FOXL2NB: variants seen among roughly 807,000 people sequenced by gnomAD.
FOXL2NB encodes the protein FOXL2 neighbor, also known as FOXL2 neighbor protein.
A neutral mutation model predicts 7.4 loss-of-function variants in FOXL2NB; 10 were observed. The ratio of observed to expected loss-of-function variants is 1.34; its 90% CI spans 0.83 to 2.28. FOXL2NB has a LOEUF of 2.28. Ranked by LOEUF, FOXL2NB falls within the 30% of genes most tolerant of loss-of-function variation. The pLI, the probability that FOXL2NB is intolerant of heterozygous loss-of-function variation, is 0.00. For missense variants in FOXL2NB, 228 were observed against 233.9 expected, an observed-to-expected ratio of 0.97 and a Z score of 0.17; for synonymous variants, 104 against 105.3, an observed-to-expected ratio of 0.99 and a Z score of 0.08.
At position 138,949,713 on chromosome 3, in the gene FOXL2NB, AG is replaced by A; in HGVS notation, c.220+78del. On this transcript the variant is annotated intron_variant, in intron 2 of 2. Coordinates refer to ENST00000383165, the MANE Select transcript of FOXL2NB (RefSeq NM_001040061.3). This position sits in a 1 kb window ranked among gnomAD's most constrained non-coding sequence, Gnocchi z 4.5. ...CCCTCCAGGCTTCTGCGGAAAAGCC[AG>A]GGGCTTCGGGCTGGAGATAGAGGAA... 1 of 1,600,208 alleles carries A rather than the reference AG, an allele frequency of 6.2e-7. No homozygotes were observed. Among genetic ancestry groups the A allele is most frequent in the Non-Finnish European group, 8.6e-7 (1 of 1,169,474 alleles).
rs774231840 is a variant in FOXL2NB, at chr3:138,949,969, G to A, written c.221-296G>A. Reference sequence around the variant, plus strand: ...GGCATTGGGGCGACGCAGGGCCCCCGGCTTAGTGACCTTGGGGCGGCGCTC... The same window carrying A: ...GGCATTGGGGCGACGCAGGGCCCCCAGCTTAGTGACCTTGGGGCGGCGCTC... On this transcript the variant is annotated intron_variant, in intron 2 of 2. Coordinates refer to ENST00000383165, the MANE Select transcript of FOXL2NB (RefSeq NM_001040061.3). This position sits in a 1 kb window ranked among gnomAD's most constrained non-coding sequence, Gnocchi z 4.5. The A allele has an allele frequency of 2.9e-6, 2 of 695,944 alleles. No homozygotes were observed. The highest frequency in any genetic ancestry group is 5.2e-6 in the Non-Finnish European group (2 of 382,248). 43.1% of individuals were successfully genotyped at this position (695,944 alleles called of 1,614,324 possible).
chr3:138,950,338 G>A lies in FOXL2NB; in HGVS notation c.294G>A (p.Lys98=), dbSNP rs562194723. The change falls in exon 3 of 3, where the codon AAG becomes AAA. Residue 98 remains lysine, a synonymous_variant. Transcript: ENST00000383165. ...CCGGCGGCCCAGCTCTACTAGGGAAGCGTCGCGGCTGCTCTGAGGCAGGCA... is the reference window on the plus strand; with the variant it reads ...CCGGCGGCCCAGCTCTACTAGGGAAACGTCGCGGCTGCTCTGAGGCAGGCA... ...RASGGPALLG[K]RRGCSEAGSA... is the part of the protein sequence containing the mutation. The A allele has an allele frequency of 1.2e-6, 2 of 1,610,332 alleles. No individual in the cohort carries two copies. Among genetic ancestry groups the A allele is most frequent in the South Asian group, 1.1e-5 (1 of 90,762 alleles).
Position 138,952,429 on chromosome 3 carries a change from A to AT in FOXL2NB, c.*1861dup, listed in dbSNP as rs1316914560. On this transcript the variant is annotated 3_prime_UTR_variant, in exon 3 of 3. Coordinates refer to ENST00000383165, the MANE Select transcript of FOXL2NB (RefSeq NM_001040061.3). ...TTGTATTACTGTTCTACCTTTGGAG[A>AT]TTTTCCTCATGCCAAGATAGGGTGT... The AT allele has an allele frequency of 6.6e-6, 1 of 150,760 alleles. No individual in the cohort carries two copies. Among genetic ancestry groups the AT allele is most frequent in the African/African-American group, 2.5e-5 (1 of 40,688 alleles). 9.3% of individuals were successfully genotyped at this position (150,760 alleles called of 1,614,324 possible).
rs1460761497 is a variant in FOXL2NB, at chr3:138,949,331, C to T, written c.101-189C>T. ...CATTGTTGTGTGTGTCATCACTTCC[C>T]TGAATTCCACACTCGGCTCCCTTTT... On this transcript the variant is annotated intron_variant, in intron 1 of 2. Transcript: ENST00000383165. This position sits in a 1 kb window ranked among gnomAD's most constrained non-coding sequence, Gnocchi z 4.5. Among the ~76,000 whole-genome samples the T allele has an allele frequency of 1.3e-5, 2 of 152,042 alleles. No homozygotes were observed. The highest frequency in any genetic ancestry group is 2.9e-5 in the Non-Finnish European group (2 of 67,996).
Position 138,947,229 on chromosome 3 carries a change from A to C in FOXL2NB, c.-136A>C. 1.5e-6 allele frequency: 1 copy of C among 686,694 alleles called. No homozygotes were observed. Among genetic ancestry groups the C allele is most frequent in the Non-Finnish European group, 2.4e-6 (1 of 417,566 alleles). 42.5% of individuals were successfully genotyped at this position (686,694 alleles called of 1,614,324 possible). A position where few individuals can be genotyped will look rare whatever the true frequency, so the allele number is the denominator to read the frequency against. On this transcript the variant is annotated 5_prime_UTR_variant, in exon 1 of 3. Coordinates refer to ENST00000383165, the MANE Select transcript of FOXL2NB (RefSeq NM_001040061.3). This position sits in a 1 kb window ranked among gnomAD's most constrained non-coding sequence, Gnocchi z 5.2. ...GCCGCGCACGGGCGAGTTCATCTCC[A>C]AGTCACTTTTTGTAAACGCCCCGCA...
At chr3:138,950,181 C>T (rs2107748277) in intron 2 of FOXL2NB, 84 bp from the exon 3 acceptor site, 1 of 1,466,058 alleles carries the variant, frequency 6.8e-7, no homozygotes, top group South Asian at 1.2e-5. Context: ...CGCGCCTCCT[C>T]GCAGCCTGGC....
At position 138,949,561 on chromosome 3, in the gene FOXL2NB, A is replaced by G. The variant is rs1376106827; in HGVS notation, c.142A>G (p.Thr48Ala). 6 of 1,613,976 alleles carry G rather than the reference A, an allele frequency of 3.7e-6. No individual in the cohort carries two copies. In the Admixed American group the frequency reaches 5.0e-5, roughly 13 times the overall value. Residue 48 changes from threonine (T) to alanine (A), a missense_variant, in exon 2 of 3, where the codon ACC becomes GCC. Thr to Ala is a moderately conservative substitution (Grantham distance 58, BLOSUM62 0). Transcript: ENST00000383165. This position sits in a 1 kb window ranked among gnomAD's most constrained non-coding sequence, Gnocchi z 4.5. Reference protein sequence around the residue: ...LVKKRMPDACTLGRAGIGLPK... With the variant: ...LVKKRMPDACALGRAGIGLPK... ...GAAGAAGAGGATGCCTGATGCGTGC[A>G]CCCTGGGAAGGGCTGGAATCGGTCT...
In FOXL2NB at chr3:138,947,605, T is replaced by C. The variant is rs1936016363; in HGVS notation, c.100+141T>C. ...GAGCTGCTCTGAGGCTTTGGGAAAG[T>C]CAGCCCAGAAACGGGTGTGACTGTA... On this transcript the variant is annotated intron_variant, in intron 1 of 2. Coordinates refer to ENST00000383165, the MANE Select transcript of FOXL2NB (RefSeq NM_001040061.3). This position sits in a 1 kb window ranked among gnomAD's most constrained non-coding sequence, Gnocchi z 5.2. The C allele has an allele frequency of 2.1e-6, 3 of 1,417,626 alleles. No homozygotes were observed. The highest frequency in any genetic ancestry group is 1.5e-5 in the African/African-American group (1 of 68,106). The allele number at this position is 1,417,626 out of a possible 1,614,324, so 87.8% of individuals were successfully genotyped here.
chr3:138,952,277 C>T lies in FOXL2NB; in HGVS notation c.*1705C>T, dbSNP rs1450010781. 1 of 152,214 alleles carries T rather than the reference C, an allele frequency of 6.6e-6. No individual in the cohort carries two copies. Among genetic ancestry groups the T allele is most frequent in the Non-Finnish European group, 1.5e-5 (1 of 68,060 alleles). The allele number at this position is 152,214 out of a possible 1,614,324, so 9.4% of individuals were successfully genotyped here. A position where few individuals can be genotyped will look rare whatever the true frequency, so the allele number is the denominator to read the frequency against. ...GAGCCCTTCCCCCTTGGTCCTCATT[C>T]CTGGCTCAATTTTCTCCCACAAAGC... On this transcript the variant is annotated 3_prime_UTR_variant, in exon 3 of 3. Coordinates refer to ENST00000383165, the MANE Select transcript of FOXL2NB (RefSeq NM_001040061.3).
rs1330731849 is a variant in FOXL2NB at position 138,951,337 on chromosome 3, G to A, written c.*765G>A. 1 of 152,262 alleles carries A rather than the reference G, an allele frequency of 6.6e-6. No homozygotes were observed. Among genetic ancestry groups the A allele is most frequent in the East Asian group, 1.9e-4 (1 of 5,196 alleles). The allele number at this position is 152,262 out of a possible 1,614,324, so 9.4% of individuals were successfully genotyped here. A position where few individuals can be genotyped will look rare whatever the true frequency, so the allele number is the denominator to read the frequency against. ...AACTCACACATGAGAGCTGTTTCCT[G>A]TTGTTAAGTGTCTCACTGAGCTCCC... On this transcript the variant is annotated 3_prime_UTR_variant, in exon 3 of 3. Coordinates refer to ENST00000383165, the MANE Select transcript of FOXL2NB (RefSeq NM_001040061.3).
chr3:138,948,642 G>A (rs1050473423), intron 1 of FOXL2NB, among the ~76,000 whole-genome samples: 1 of 152,190 alleles, frequency 6.6e-6, no homozygotes, highest in Non-Finnish European at 1.5e-5. Context: ...GCCTGTCACT[G>A]CCTCTTCCTC....
Position 138,950,658 on chromosome 3 carries a change from A to G in FOXL2NB, c.*86A>G. ...ACAGGGCCCTTTGCACCCACACCTCAGGGACTCGGTGTCCCTCCACTCAGG... is the reference window on the plus strand; with the variant it reads ...ACAGGGCCCTTTGCACCCACACCTCGGGGACTCGGTGTCCCTCCACTCAGG... On this transcript the variant is annotated 3_prime_UTR_variant, in exon 3 of 3. Coordinates refer to ENST00000383165, the MANE Select transcript of FOXL2NB (RefSeq NM_001040061.3). 2 of 1,423,642 alleles carry G rather than the reference A, an allele frequency of 1.4e-6. No homozygotes were observed. Among genetic ancestry groups the G allele is most frequent in the Non-Finnish European group, 1.9e-6 (2 of 1,027,548 alleles). The allele number at this position is 1,423,642 out of a possible 1,614,324, so 88.2% of individuals were successfully genotyped here. A position where few individuals can be genotyped will look rare whatever the true frequency, so the allele number is the denominator to read the frequency against.
Position 138,949,387 on chromosome 3 carries a change from T to TGTGC in FOXL2NB, c.101-129_101-126dup, listed in dbSNP as rs1936067442. ...TTTAAAGAGCCTGTGTGTGTATGCA[T>TGTGC]GTGCGTGTGTGTGTGTGTGTGTGTG... On this transcript the variant is annotated intron_variant, in intron 1 of 2. Transcript: ENST00000383165. This position sits in a 1 kb window ranked among gnomAD's most constrained non-coding sequence, Gnocchi z 4.5. 2 of 1,003,312 alleles carry TGTGC rather than the reference T, an allele frequency of 2.0e-6. No individual in the cohort carries two copies. Among genetic ancestry groups the TGTGC allele is most frequent in the Admixed American group, 2.6e-5 (1 of 38,184 alleles). The allele number at this position is 1,003,312 out of a possible 1,614,324, so 62.2% of individuals were successfully genotyped here.
Position 138,953,899 on chromosome 3 carries a change from A to G in FOXL2NB, c.*3327A>G, listed in dbSNP as rs763891063. Reference sequence around the variant, plus strand: ...TTATTTCTTTTTATTGCTGTGTAATATTCTAGTATTTGCTTATCCATCCAT... The same window carrying G: ...TTATTTCTTTTTATTGCTGTGTAATGTTCTAGTATTTGCTTATCCATCCAT... On this transcript the variant is annotated 3_prime_UTR_variant, in exon 3 of 3. Coordinates refer to ENST00000383165, the MANE Select transcript of FOXL2NB (RefSeq NM_001040061.3). 2.1e-4 allele frequency among the ~76,000 whole-genome samples: 32 copies of G among 152,218 alleles called. No individual in the cohort carries two copies. Among genetic ancestry groups the G allele is most frequent in the Admixed American group, 9.8e-4 (15 of 15,282 alleles).
rs367754243 is a variant in FOXL2NB, at chr3:138,949,661, A to G, written c.220+22A>G. 44 of 1,613,874 alleles carry G rather than the reference A, an allele frequency of 2.7e-5. 1 individual carries two copies. The Admixed American group carries it at 6.2e-4, about 23-fold the overall frequency. On this transcript the variant is annotated intron_variant, in intron 2 of 2. Transcript: ENST00000383165. This position sits in a 1 kb window ranked among gnomAD's most constrained non-coding sequence, Gnocchi z 4.5. ...ACAGGCAAGAAAATGCGGGCGGGAAAGCTGGCAGAATGATTACTTTCAGGT... is the reference window on the plus strand; with the variant it reads ...ACAGGCAAGAAAATGCGGGCGGGAAGGCTGGCAGAATGATTACTTTCAGGT...
rs1936127125 is a variant in FOXL2NB, at chr3:138,951,320, CAT to C, written c.*749_*750del. 6.6e-6 allele frequency: 1 copy of C among 152,318 alleles called. No homozygotes were observed. Among genetic ancestry groups the C allele is most frequent in the Non-Finnish European group, 1.5e-5 (1 of 68,132 alleles). The allele number at this position is 152,318 out of a possible 1,614,324, so 9.4% of individuals were successfully genotyped here. A position where few individuals can be genotyped will look rare whatever the true frequency, so the allele number is the denominator to read the frequency against. ...CCTCCTACTCTGGGAAGAACTCACACATGAGAGCTGTTTCCTGTTGTTAAGTG... is the reference window on the plus strand; with the variant it reads ...CCTCCTACTCTGGGAAGAACTCACACGAGAGCTGTTTCCTGTTGTTAAGTG... On this transcript the variant is annotated 3_prime_UTR_variant, in exon 3 of 3. Transcript: ENST00000383165.
Position 138,949,994 on chromosome 3 carries a change from C to G in FOXL2NB, c.221-271C>G, listed in dbSNP as rs535201642. On this transcript the variant is annotated intron_variant, in intron 2 of 2. Transcript: ENST00000383165. This position sits in a 1 kb window ranked among gnomAD's most constrained non-coding sequence, Gnocchi z 4.5. ...GGCTTAGTGACCTTGGGGCGGCGCT[C>G]ACCTCCAAAGGCCAGGGTGGTGGGC... is the stretch of plus-strand genomic sequence containing the variant. 1.3e-3 allele frequency: 931 copies of G among 700,752 alleles called. 1 individual carries two copies. Among genetic ancestry groups the G allele is most frequent in the Admixed American group, 4.0e-3 (199 of 49,836 alleles). The allele number at this position is 700,752 out of a possible 1,614,324, so 43.4% of individuals were successfully genotyped here. A position where few individuals can be genotyped will look rare whatever the true frequency, so the allele number is the denominator to read the frequency against.
rs752991018 is a variant in FOXL2NB, at chr3:138,950,425, G to T, written c.381G>T (p.Pro127=). The T allele has an allele frequency of 1.7e-5, 28 of 1,613,724 alleles. No individual in the cohort carries two copies. The highest frequency in any genetic ancestry group is 2.2e-5 in the Non-Finnish European group (26 of 1,180,024). The change falls in exon 3 of 3, where the codon CCG becomes CCT. Residue 127 remains proline (P), a synonymous_variant. Coordinates refer to ENST00000383165, the MANE Select transcript of FOXL2NB (RefSeq NM_001040061.3). ...CCGCCGGCTGCCTGAACCAGGTTCC[G>T]CTGTCCCCTTTCCTAGCGGGACCCC... is the stretch of plus-strand genomic sequence containing the variant. ...RAAAGCLNQV[P]LSPFLAGPRN... is the part of the protein sequence containing the mutation.
In FOXL2NB at chr3:138,950,308, G is replaced by C. The variant is rs1559924726; in HGVS notation, c.264G>C (p.Arg88=). ...LQQRQKPPAP[R]ASGGPALLGK... ...AGCGGCAGAAGCCGCCCGCGCCTCG[G>C]GCTTCCGGCGGCCCAGCTCTACTAG... The change falls in exon 3 of 3, where the codon CGG becomes CGC. Residue 88 remains arginine (R), a synonymous_variant. Coordinates refer to ENST00000383165, the MANE Select transcript of FOXL2NB (RefSeq NM_001040061.3). 8 of 1,606,904 alleles carry C rather than the reference G, an allele frequency of 5.0e-6. No homozygotes were observed. The highest frequency in any genetic ancestry group is 6.8e-6 in the Non-Finnish European group (8 of 1,178,344).
Sources: allele counts gnomAD v4.1 joint callset (sites outside exome capture counted in the v4.1 genomes callset), GRCh38; gene constraint gnomAD v4.1.1; non-coding constraint Gnocchi (gnomAD v3.1); transcripts MANE v1.5; gene names NCBI Gene and HGNC (gene_info 2026-07-23, HGNC 2026-07-21).